BPGM: variants seen among roughly 807,000 people sequenced by gnomAD.
BPGM encodes bisphosphoglycerate mutase.
In BPGM, 15 loss-of-function variants were observed where a neutral mutation model predicts 21.6. The ratio of observed to expected loss-of-function variants is 0.70; its 90% CI spans 0.47 to 1.07. BPGM has a LOEUF of 1.07. Ranked by LOEUF, BPGM falls within the 50% of genes least tolerant of loss-of-function variation. The pLI, the probability that BPGM is intolerant of heterozygous loss-of-function variation, is 0.00. For synonymous variants in BPGM, 113 were observed against 116.2 expected (o/e 0.97, Z 0.18); for missense variants, 273 against 319.0 (o/e 0.86, Z 1.10).
chr7:134,663,315 A>G (rs2131435550), intron 2 of BPGM, among the ~76,000 whole-genome samples: 1 of 152,312 alleles, frequency 6.6e-6, no homozygotes, highest in South Asian at 2.1e-4. Context: ...AGAGACCTAA[A>G]ATCTACAGAC....
At chr7:134,648,519 C>T (rs535998780) in intron 1 of BPGM, among the ~76,000 whole-genome samples, 26 of 152,276 alleles carry the variant, frequency 1.7e-4, no homozygotes, top group Admixed American at 5.2e-4. Context: ...CCTCATACAC[C>T]GCAGATGCTC....
At chr7:134,678,135 C>T (rs978091440) in intron 2 of BPGM, among the ~76,000 whole-genome samples, 28 of 152,216 alleles carry the variant, frequency 1.8e-4, no homozygotes, top group African/African-American at 6.8e-4. Context: ...ACTACAACTA[C>T]AGCTCTTCTG....
intron 1 of BPGM, among the ~76,000 whole-genome samples, chr7:134,651,915 A>G (rs1795560617): frequency 6.6e-6 from 1 of 152,214 alleles, no homozygotes; most frequent in Non-Finnish European, 1.5e-5. Context: ...GTGAGGCACT[A>G]TGGGATAATT....
chr7:134,658,895 T>TTTTTTATTTTTATTTTA (rs1417026384), intron 1 of BPGM, among the ~76,000 whole-genome samples: 14 of 151,740 alleles, frequency 9.2e-5, no homozygotes, highest in South Asian at 2.1e-4. Flanking sequence ...TGTGTGTATT[T>TTTTTTATTTTTATTTTA]TTTTTTTAGT....
rs1403045179 is a variant in BPGM, at chr7:134,673,846, G to A, written c.602-5007G>A. 2.0e-5 allele frequency among the ~76,000 whole-genome samples: 3 copies of A among 150,898 alleles called. No individual in the cohort carries two copies. The East Asian group carries it at 5.8e-4, about 29-fold the overall frequency. On this transcript the variant is annotated intron_variant, in intron 2 of 2. Coordinates refer to ENST00000344924, the MANE Select transcript of BPGM (RefSeq NM_001724.5). ...TAGTTTAAAAAGGTCCATTTTTACT[G>A]CCTTAATAGTCCTGTGAGTAGAGCA... is the stretch of plus-strand genomic sequence containing the variant.
intron 1 of BPGM, among the ~76,000 whole-genome samples, chr7:134,655,458 G>T (rs544753094): frequency 1.3e-5 from 2 of 149,182 alleles, no homozygotes; most frequent in South Asian, 2.1e-4. Flanking sequence ...TATCTCCAGT[G>T]GGGGGTTGAA....
intron 2 of BPGM, among the ~76,000 whole-genome samples, chr7:134,673,203 TAAAAC>T (rs983455383): frequency 2.6e-5 from 4 of 152,060 alleles, no homozygotes; most frequent in African/African-American, 9.7e-5. Flanking sequence ...TAAAATAAAA[TAAAAC>T]AAAATTTTAG....
At chr7:134,676,429 G>A (rs1319183643) in intron 2 of BPGM, among the ~76,000 whole-genome samples, 3 of 152,080 alleles carry the variant, frequency 2.0e-5, no homozygotes, top group Non-Finnish European at 4.4e-5. Flanking sequence ...TGAAAATTTA[G>A]ATTATTTGGA....
At chr7:134,674,354 A>G (rs1795954474) in intron 2 of BPGM, among the ~76,000 whole-genome samples, 1 of 152,224 alleles carries the variant, frequency 6.6e-6, no homozygotes, top group Non-Finnish European at 1.5e-5. Context: ...GAACATTTTC[A>G]CTACCCTAAA....
intron 1 of BPGM, among the ~76,000 whole-genome samples, chr7:134,652,732 G>A (rs1173130679): frequency 1.3e-5 from 2 of 152,230 alleles, no homozygotes; most frequent in African/African-American, 4.8e-5. Flanking sequence ...TGTGAAATTT[G>A]TCTTTCCATG....
intron 1 of BPGM, chr7:134,658,498 T>C (rs1210286743): frequency 6.6e-6 from 1 of 152,282 alleles, no homozygotes; most frequent in African/African-American, 2.4e-5. Flanking sequence ...GCACTCTGCT[T>C]CACACAGCTG....
intron 1 of BPGM, among the ~76,000 whole-genome samples, chr7:134,650,738 T>C (rs1039332040): frequency 1.3e-5 from 2 of 152,126 alleles, no homozygotes; most frequent in African/African-American, 4.8e-5. Context: ...CTGGCTAACA[T>C]GGTGAAACCC....
At position 134,666,180 on chromosome 7, in the gene BPGM, A is replaced by T. The variant is rs76808884; in HGVS notation, c.601+4072A>T. Among the ~76,000 whole-genome samples, 58 of 152,290 alleles carry T rather than the reference A, an allele frequency of 3.8e-4. No individual in the cohort carries two copies. In the East Asian group the frequency reaches 9.6e-3, roughly 25 times the overall value. On this transcript the variant is annotated intron_variant, in intron 2 of 2. Coordinates refer to ENST00000344924, the MANE Select transcript of BPGM (RefSeq NM_001724.5). ...GGCATGAGCCACTGCGCACCTGGCC[A>T]TTAATGACATTTTAAAGTAGCCTTA...
In BPGM at chr7:134,661,748, G is replaced by A. The variant is rs755284418; in HGVS notation, c.241G>A (p.Val81Met). The A allele has an allele frequency of 6.2e-6, 10 of 1,614,172 alleles. No homozygotes were observed. In the Admixed American group the frequency reaches 1.0e-4, roughly 16 times the overall value. The stretch of plus-strand genomic sequence containing the variant: ...AGAGCTAGGCCAGGAATGGGTGCCT[G>A]TGGAAAGCTCCTGGCGTCTAAATGA... Reference protein sequence around the residue: ...LEELGQEWVPVESSWRLNERH... With the variant: ...LEELGQEWVPMESSWRLNERH... Residue 81 changes from valine (V) to methionine (M), a missense_variant, in exon 2 of 3, where the codon GTG (valine) becomes ATG (methionine). Val to Met is a conservative substitution (Grantham distance 21). Transcript: ENST00000344924. This position sits in a 1 kb window ranked among gnomAD's most constrained non-coding sequence, Gnocchi z 4.6.
intron 2 of BPGM, among the ~76,000 whole-genome samples, chr7:134,676,652 A>C (rs781191168): frequency 1.3e-5 from 2 of 152,208 alleles, no homozygotes; most frequent in African/African-American, 4.8e-5. Context: ...TTTATAAATG[A>C]AAAAATAGTT....
At chr7:134,669,573 C>T (rs759514167) in intron 2 of BPGM, among the ~76,000 whole-genome samples, 2 of 152,130 alleles carry the variant, frequency 1.3e-5, no homozygotes, top group South Asian at 2.1e-4. Context: ...GATACTGATT[C>T]GGAGCTAGAT....
intron 2 of BPGM, among the ~76,000 whole-genome samples, chr7:134,662,655 C>T (rs1174698574): frequency 2.0e-5 from 3 of 152,168 alleles, no homozygotes; most frequent in African/African-American, 7.2e-5. Flanking sequence ...TGTTCCTAGA[C>T]GTAGGTTTCC....
At position 134,654,919 on chromosome 7, in the gene BPGM, G is replaced by A. The variant is rs985753686; in HGVS notation, c.-61-6528G>A. 2.0e-4 allele frequency among the ~76,000 whole-genome samples: 30 copies of A among 152,306 alleles called. 1 individual carries two copies. Among genetic ancestry groups the A allele is most frequent in the Admixed American group, 1.8e-3 (28 of 15,300 alleles). ...GAAGGTAAATGGACAAGAGGAAGGGGAGGGAGGATAAGATACACAGCTGTG... is the reference window on the plus strand; with the variant it reads ...GAAGGTAAATGGACAAGAGGAAGGGAAGGGAGGATAAGATACACAGCTGTG... On this transcript the variant is annotated intron_variant, in intron 1 of 2. Coordinates refer to ENST00000344924, the MANE Select transcript of BPGM (RefSeq NM_001724.5).
chr7:134,675,593 AT>A (rs1386104575), intron 2 of BPGM, among the ~76,000 whole-genome samples: 1 of 152,072 alleles, frequency 6.6e-6, no homozygotes, highest in Non-Finnish European at 1.5e-5. Flanking sequence ...TCCCAATTCT[AT>A]TTCATTGATC....
Sources: gnomAD v4.1 joint callset for allele counts (sites outside exome capture counted in the v4.1 genomes callset) on GRCh38, gnomAD v4.1.1 for gene constraint, Gnocchi (gnomAD v3.1) non-coding constraint, MANE v1.5 for transcripts, NCBI Gene and HGNC (gene_info 2026-07-23, HGNC 2026-07-21) for gene names.